Variants in PTPN3 observed in about 807,000 individuals in gnomAD.
The protein encoded by PTPN3 is protein tyrosine phosphatase non-receptor type 3, also known as tyrosine-protein phosphatase non-receptor type 3.
PTPN3 carries 96 observed loss-of-function variants against 132.7 expected under a neutral mutation model. The ratio of observed to expected loss-of-function variants is 0.72; its 90% CI spans 0.61 to 0.86. The LOEUF (loss-of-function observed/expected upper bound fraction) is 0.86, where lower values mean the gene tolerates loss of function less well. PTPN3 is among the 40% of genes least tolerant of loss of function. The probability of loss-of-function intolerance (pLI) is 0.00; values close to 1 mark genes in which losing one functional copy is unlikely to be tolerated. For missense variants in PTPN3, 1,125 were observed against 1,159.6 expected, an observed-to-expected ratio of 0.97 and a Z score of 0.43; for synonymous variants, 398 against 429.0, an observed-to-expected ratio of 0.93 and a Z score of 0.89.
intron 22 of PTPN3, among the ~76,000 whole-genome samples, chr9:109,388,378 T>C (rs115220837): frequency 0.019 from 2,962 of 152,224 alleles, 81 homozygotes; most frequent in African/African-American, 0.068. Context: ...GTGAAGGGAA[T>C]GCTAGACCTC....
chr9:109,391,715 C>T (rs1486444905), intron 19 of PTPN3, among the ~76,000 whole-genome samples, 154 bp from the exon 20 acceptor site: 2 of 151,046 alleles, frequency 1.3e-5, no homozygotes, highest in African/African-American at 4.9e-5. Context: ...AGAAATTCTA[C>T]AGTTCCATGA....
chr9:109,479,460 T>G (rs1399965796), intron 1 of PTPN3, among the ~76,000 whole-genome samples: 1 of 152,274 alleles, frequency 6.6e-6, no homozygotes, highest in African/African-American at 2.4e-5. Context: ...TGAATGGTGT[T>G]GCAATGCTTA....
intron 1 of PTPN3, among the ~76,000 whole-genome samples, chr9:109,482,834 C>T (rs1005326018): frequency 4.6e-5 from 7 of 152,170 alleles, no homozygotes; most frequent in Non-Finnish European, 1.0e-4. Context: ...AGTTACTGAA[C>T]CTCACTGAGA....
chr9:109,520,023 G>A, the PTPN3 span, among the ~76,000 whole-genome samples: 1 of 152,162 alleles, frequency 6.6e-6, no homozygotes, highest in Admixed American at 6.5e-5. Context: ...GCCAGGCGTG[G>A]TGGTGGGTGC....
chr9:109,448,967 A>G (rs1263029219), intron 5 of PTPN3, 112 bp from the exon 6 acceptor site: 1 of 1,499,710 alleles, frequency 6.7e-7, no homozygotes, highest in Non-Finnish European at 8.8e-7. Context: ...AAAGATACAT[A>G]AAAATACGGT....
At chr9:109,524,446 G>A in the PTPN3 span, among the ~76,000 whole-genome samples, 2 of 152,190 alleles carry the variant, frequency 1.3e-5, no homozygotes, top group South Asian at 4.1e-4. Flanking sequence ...CACTACTCAT[G>A]TGAAATGCCT....
At chr9:109,392,448 A>T (rs1286479411) in intron 19 of PTPN3, among the ~76,000 whole-genome samples, 1 of 152,070 alleles carries the variant, frequency 6.6e-6, no homozygotes, top group East Asian at 1.9e-4. Flanking sequence ...CAGCAATTTC[A>T]CAACTCTGAG....
chr9:109,510,384 C>T, the PTPN3 span, among the ~76,000 whole-genome samples: 1 of 151,336 alleles, frequency 6.6e-6, no homozygotes, highest in Non-Finnish European at 1.5e-5. Flanking sequence ...CATGGAGAAA[C>T]CCTGTCTCTA....
intron 18 of PTPN3, among the ~76,000 whole-genome samples, chr9:109,405,366 G>A (rs1445583835): frequency 6.6e-6 from 1 of 152,142 alleles, no homozygotes; most frequent in Non-Finnish European, 1.5e-5. Flanking sequence ...ACAGCAGTAT[G>A]GAGTGTCAGC....
chr9:109,455,161 T>C (rs975906306), intron 4 of PTPN3, among the ~76,000 whole-genome samples: 1 of 152,260 alleles, frequency 6.6e-6, no homozygotes. Context: ...AAATATCTCA[T>C]GCTTTTAATG....
At chr9:109,476,430 A>C (rs909642886) in intron 1 of PTPN3, among the ~76,000 whole-genome samples, 5 of 152,130 alleles carry the variant, frequency 3.3e-5, no homozygotes, top group Non-Finnish European at 7.4e-5. Flanking sequence ...AAAAAATAAA[A>C]GGTAAAGAAA....
In PTPN3 at chr9:109,406,606, TG is replaced by T; in HGVS notation, c.1647del (p.Cys549Ter). On this transcript the variant is annotated frameshift_variant, in exon 18 of 26. Coordinates refer to ENST00000374541, the MANE Select transcript of PTPN3 (RefSeq NM_002829.4). LOFTEE classifies it high-confidence loss of function. ...RINPESPADT[C>X]IPKLNEGDQI... The stretch of plus-strand genomic sequence containing the variant: ...TGATCCCCTTCGTTCAGCTTAGGAA[TG>T]CAGGTGTCCGCCTGGGTGGTGGGGA... 6.2e-7 allele frequency: 1 copy of T among 1,614,038 alleles called. No individual in the cohort carries two copies. The highest frequency in any genetic ancestry group is 1.1e-5 in the South Asian group (1 of 91,058).
chr9:109,533,965 T>TGCC, the PTPN3 span: 1 of 757,688 alleles, frequency 1.3e-6, no homozygotes, highest in Non-Finnish European at 2.4e-6. Context: ...TAACATGTGC[T>TGCC]GCCTCTGCAC....
At chr9:109,413,321 G>C (rs1395483367) in intron 14 of PTPN3, among the ~76,000 whole-genome samples, 1 of 152,160 alleles carries the variant, frequency 6.6e-6, no homozygotes, top group Non-Finnish European at 1.5e-5. Flanking sequence ...ACAAATGGCT[G>C]ATTTTTGGCC....
intron 1 of PTPN3, among the ~76,000 whole-genome samples, chr9:109,477,019 T>C (rs1202267796): frequency 6.6e-6 from 1 of 152,134 alleles, no homozygotes; most frequent in East Asian, 1.9e-4. Context: ...TTTACAAGAT[T>C]GGGAGACTCG....
chr9:109,505,404 C>T, the PTPN3 span, among the ~76,000 whole-genome samples: 1 of 152,314 alleles, frequency 6.6e-6, no homozygotes, highest in Admixed American at 6.5e-5. Context: ...TCTGGAGTAG[C>T]TGGGACTAGA....
intron 13 of PTPN3, 48 bp from the exon 14 acceptor site, chr9:109,420,648 T>A: frequency 1.3e-6 from 2 of 1,546,216 alleles, no homozygotes; most frequent in East Asian, 2.3e-5. Flanking sequence ...CAAATTCCAC[T>A]TAAAAATTTT....
chr9:109,533,891 C>G, the PTPN3 span: 1 of 759,622 alleles, frequency 1.3e-6, no homozygotes, highest in Non-Finnish European at 2.4e-6. Flanking sequence ...ACGTGGATAG[C>G]ATCTATAAGG....
chr9:109,439,912 A>T (rs1844330573), intron 7 of PTPN3, among the ~76,000 whole-genome samples: 1 of 152,070 alleles, frequency 6.6e-6, no homozygotes, highest in East Asian at 1.9e-4. Context: ...CTGTCTCAAA[A>T]AAGAAAAAAA....
Sources: gnomAD v4.1 joint callset for allele counts (sites outside exome capture counted in the v4.1 genomes callset) on GRCh38, gnomAD v4.1.1 for gene constraint, MANE v1.5 for transcripts, NCBI Gene and HGNC (gene_info 2026-07-23, HGNC 2026-07-21) for gene names.